ANOS1: variants seen among roughly 807,000 people sequenced by gnomAD.
ANOS1 encodes the protein anosmin 1, also known as anosmin-1.
ANOS1 carries 6 observed loss-of-function variants against 59.0 expected under a neutral mutation model. The observed-to-expected ratio is 0.10, with a 90% CI of 0.06 to 0.20. The LOEUF (loss-of-function observed/expected upper bound fraction) is 0.20, where lower values mean the gene tolerates loss of function less well. Among genes scored for constraint, ANOS1 ranks in the 10% least tolerant of loss-of-function variants. The pLI, the probability that ANOS1 is intolerant of heterozygous loss-of-function variation, is 1.00. For missense variants in ANOS1, 433 were observed against 542.3 expected (o/e 0.80, Z 2.00); for synonymous variants, 217 against 223.4 (o/e 0.97, Z 0.25).
chrX:8,582,492 A>T (rs1222523524), intron 6 of ANOS1, among the ~76,000 whole-genome samples: 3 of 111,260 alleles, frequency 2.7e-5, no homozygotes, highest in Non-Finnish European at 5.7e-5. Context: ...GGAAGGAGAA[A>T]GGGGGGGTCA....
intron 1 of ANOS1, among the ~76,000 whole-genome samples, chrX:8,721,542 C>T (rs1446908789): frequency 8.9e-6 from 1 of 112,085 alleles, no homozygotes; most frequent in African/African-American, 3.2e-5. Context: ...TCAGGAATTC[C>T]GGAGAGCTTC....
chrX:8,567,101 T>C (rs2146804399), intron 8 of ANOS1, among the ~76,000 whole-genome samples: 1 of 112,239 alleles, frequency 8.9e-6, no homozygotes, highest in South Asian at 3.7e-4. Context: ...AGCCCCTGCA[T>C]GGCAGTTCTA....
At chrX:8,612,138 A>G (rs1931069443) in intron 3 of ANOS1, among the ~76,000 whole-genome samples, 1 of 111,881 alleles carries the variant, frequency 8.9e-6, no homozygotes, top group Non-Finnish European at 1.9e-5. Context: ...CCAAAAAGCA[A>G]TTCTCAAAAA....
chrX:8,646,336 T>TATAATA (rs1243782990), intron 2 of ANOS1, among the ~76,000 whole-genome samples: 9 of 110,953 alleles, frequency 8.1e-5, no homozygotes, highest in Admixed American at 6.7e-4. Context: ...TGCCATCACC[T>TATAATA]GTAATAGGCA....
At chrX:8,605,870 A>G (rs1016503010) in intron 3 of ANOS1, among the ~76,000 whole-genome samples, 5 of 110,575 alleles carry the variant, frequency 4.5e-5, no homozygotes, top group African/African-American at 9.9e-5. Flanking sequence ...GGAAGAAAAT[A>G]TAATTGCTAC....
intron 3 of ANOS1, among the ~76,000 whole-genome samples, chrX:8,609,899 C>T (rs1486553844): frequency 2.9e-5 from 3 of 104,138 alleles, no homozygotes; most frequent in Admixed American, 1.1e-4. Flanking sequence ...CCCAGCTACT[C>T]GGGAGGCTGA....
At chrX:8,593,947 G>A (rs917020704) in intron 4 of ANOS1, among the ~76,000 whole-genome samples, 1 of 111,866 alleles carries the variant, frequency 8.9e-6, no homozygotes, top group Admixed American at 9.5e-5. Flanking sequence ...GTGAGCCACT[G>A]TGTCAGACCT....
In ANOS1 at chrX:8,613,271, G is replaced by A. The variant is rs1194407824; in HGVS notation, c.318+10337C>T. Among the ~76,000 whole-genome samples, 12 of 107,034 alleles carry A rather than the reference G, an allele frequency of 1.1e-4. No homozygotes were observed. In the South Asian group the frequency reaches 1.2e-3, roughly 11 times the overall value. 92.9% of individuals were successfully genotyped at this position (107,034 alleles called of 115,157 possible). ...CACCCAGGCTGGAGTGCAGTGGCAC[G>A]AACATGGCTCGCTACAGCCTCAACC... On this transcript the variant is annotated intron_variant, in intron 3 of 13. Transcript: ENST00000262648.
rs1388742501 is a variant in ANOS1, at chrX:8,532,297, C to A, written c.*698G>T. 1 of 112,021 alleles carries A rather than the reference C, an allele frequency of 8.9e-6. No individual in the cohort carries two copies. Among genetic ancestry groups the A allele is most frequent in the African/African-American group, 3.2e-5 (1 of 30,861 alleles). 9.2% of individuals were successfully genotyped at this position (112,021 alleles called of 1,213,427 possible). On this transcript the variant is annotated 3_prime_UTR_variant, in exon 14 of 14. Transcript: ENST00000262648. ...CATCCCCAAGAAATAATTTTCATTT[C>A]TCCAAGGTAAAATCTGATTAGCAGC...
intron 3 of ANOS1, among the ~76,000 whole-genome samples, chrX:8,609,808 C>T (rs1336025991): frequency 3.7e-5 from 4 of 108,987 alleles, no homozygotes; most frequent in Non-Finnish European, 5.7e-5. Flanking sequence ...GAGATCGAGA[C>T]CATCCTGGCT....
chrX:8,680,178 A>AG (rs2146885829), intron 2 of ANOS1, among the ~76,000 whole-genome samples: 1 of 107,189 alleles, frequency 9.3e-6, no homozygotes, highest in African/African-American at 3.4e-5. Flanking sequence ...AAAAAAAAAA[A>AG]AAAAAAAGGC....
chrX:8,593,603 A>G (rs773011202), intron 4 of ANOS1, among the ~76,000 whole-genome samples: 1 of 111,929 alleles, frequency 8.9e-6, no homozygotes, highest in South Asian at 3.7e-4. Context: ...TAAAGTAGTG[A>G]TTTTGTTGGA....
chrX:8,568,162 A>G, intron 8 of ANOS1, 70 bp downstream of exon 8: 2 of 1,082,675 alleles, frequency 1.8e-6, no homozygotes, highest in East Asian at 3.1e-5. Context: ...CTCTCCCTCC[A>G]TTGTGCCTTG....
At chrX:8,725,537 G>GAT (rs1190591740) in intron 1 of ANOS1, among the ~76,000 whole-genome samples, 16 of 95,937 alleles carry the variant, frequency 1.7e-4, no homozygotes, top group Admixed American at 3.7e-4. Context: ...TATATATACA[G>GAT]ATATATATAT....
At chrX:8,599,069 GAGA>G (rs998052609) in intron 3 of ANOS1, among the ~76,000 whole-genome samples, 3 of 111,769 alleles carry the variant, frequency 2.7e-5, no homozygotes, top group African/African-American at 9.8e-5. Context: ...TGCCCATATG[GAGA>G]AGGACAGCAC....
In ANOS1 at chrX:8,534,467, G is replaced by T; in HGVS notation, c.1843-7C>A. 8.3e-7 allele frequency: 1 copy of T among 1,208,511 alleles called. No individual in the cohort carries two copies. The highest frequency in any genetic ancestry group is 1.8e-5 in the South Asian group (1 of 56,668). On this transcript the variant is annotated splice_region_variant and splice_polypyrimidine_tract_variant and intron_variant, in intron 12 of 13. Coordinates refer to ENST00000262648, the MANE Select transcript of ANOS1 (RefSeq NM_000216.4). ...CTGTTAGGACATAATGATCCTAAGGGGACAACATAAAAGAGCATGCTCACC... is the reference window on the plus strand; with the variant it reads ...CTGTTAGGACATAATGATCCTAAGGTGACAACATAAAAGAGCATGCTCACC...
In ANOS1 at chrX:8,554,040, T is replaced by C. The variant is rs773191720; in HGVS notation, c.1266A>G (p.Arg422=). ...GGIQTQLPFQ[R]RRPTRPLEVG... Reference sequence around the variant, plus strand: ...CTTCCAGCGGGCGAGTGGGTCGTCGTCTTTGAAAAGGGAGTTGTGTTTGAA... The same window carrying C: ...CTTCCAGCGGGCGAGTGGGTCGTCGCCTTTGAAAAGGGAGTTGTGTTTGAA... Residue 422 remains arginine (R), a synonymous_variant, in exon 9 of 14, where the codon AGA becomes AGG. Coordinates refer to ENST00000262648, the MANE Select transcript of ANOS1 (RefSeq NM_000216.4). The C allele has an allele frequency of 3.3e-5, 40 of 1,206,171 alleles. No individual in the cohort carries two copies. In the South Asian group the frequency reaches 7.1e-4, roughly 21 times the overall value.
chrX:8,581,492 T>C (rs746756410), intron 6 of ANOS1, among the ~76,000 whole-genome samples: 71 of 111,649 alleles, frequency 6.4e-4, no homozygotes, highest in African/African-American at 2.2e-3. Flanking sequence ...CAATTTGAGG[T>C]GCATCCCAGA....
intron 3 of ANOS1, among the ~76,000 whole-genome samples, chrX:8,614,955 T>A (rs4830597): frequency 1.9e-5 from 2 of 107,166 alleles, no homozygotes; most frequent in African/African-American, 6.8e-5. Flanking sequence ...ATGTTCCAGA[T>A]CTATAAAATT....
Sources: allele counts gnomAD v4.1 joint callset (sites outside exome capture counted in the v4.1 genomes callset), GRCh38; gene constraint gnomAD v4.1.1; transcripts MANE v1.5; gene names NCBI Gene and HGNC (gene_info 2026-07-23, HGNC 2026-07-21).